EPCAM: variants seen among roughly 807,000 people sequenced by gnomAD.
EPCAM encodes the protein adenocarcinoma-associated antigen.
EPCAM carries 39 observed loss-of-function variants against 40.0 expected under a neutral mutation model. The ratio of observed to expected loss-of-function variants is 0.98; its 90% CI spans 0.76 to 1.27. EPCAM has a LOEUF of 1.27. Ranked by LOEUF, EPCAM falls within the 50% of genes most tolerant of loss-of-function variation. The pLI is 0.00. For missense variants in EPCAM, 503 were observed against 381.2 expected (o/e 1.32, Z -2.66); for synonymous variants, 168 against 132.3 (o/e 1.27, Z -1.85).
intron 7 of EPCAM, among the ~76,000 whole-genome samples, chr2:47,384,507 G>A (rs1031035942): frequency 1.3e-5 from 2 of 151,238 alleles, no homozygotes; most frequent in African/African-American, 4.9e-5. Context: ...TCTGCCTCTC[G>A]GGTTCAAGTG....
At position 47,373,577 on chromosome 2, in the gene EPCAM, A is replaced by C. The variant is rs764203702; in HGVS notation, c.184+7A>C. On this transcript the variant is annotated splice_region_variant and intron_variant, in intron 2 of 8. Coordinates refer to ENST00000263735, the MANE Select transcript of EPCAM (RefSeq NM_002354.3). ...ACTGTCATTTGCTCAAAGCGTGAGT[A>C]AAATATCCTAATTACCTGTAAGCTT... The C allele has an allele frequency of 2.5e-6, 4 of 1,586,570 alleles. No individual in the cohort carries two copies. Among genetic ancestry groups the C allele is most frequent in the Non-Finnish European group, 3.5e-6 (4 of 1,155,186 alleles).
In EPCAM at chr2:47,370,118, T is replaced by C. The variant is rs1311314121; in HGVS notation, c.76+537T>C. ...CAGGCGGCCCGGACCACACAGGGCG[T>C]GTGGGTGTTTTCCCTTTTCTAAGGA... On this transcript the variant is annotated intron_variant, in intron 1 of 8. Coordinates refer to ENST00000263735, the MANE Select transcript of EPCAM (RefSeq NM_002354.3). Among the ~76,000 whole-genome samples, 8 of 152,280 alleles carry C rather than the reference T, an allele frequency of 5.3e-5. No homozygotes were observed. In the South Asian group the frequency reaches 1.7e-3, roughly 32 times the overall value.
intron 8 of EPCAM, among the ~76,000 whole-genome samples, chr2:47,386,096 A>G (rs1056922996): frequency 6.6e-6 from 1 of 152,214 alleles, no homozygotes. Context: ...TAATCAGTGT[A>G]AAGTGTTGGT....
chr2:47,376,308 G>C (rs1186074472), intron 4 of EPCAM, among the ~76,000 whole-genome samples: 1 of 147,684 alleles, frequency 6.8e-6, no homozygotes, highest in African/African-American at 2.5e-5. Flanking sequence ...CCAGGCTGGA[G>C]TGCAATGGTG....
chr2:47,373,492 G>A lies in EPCAM; in HGVS notation c.106G>A (p.Val36Ile), dbSNP rs771315207. The A allele has an allele frequency of 1.6e-4, 265 of 1,612,644 alleles. 3 individuals are homozygous for A. In the South Asian group the frequency reaches 2.1e-3, roughly 13 times the overall value. The change falls in exon 2 of 9, where the codon GTA becomes ATA. Residue 36 changes from valine to isoleucine, a missense_variant. Transcript: ENST00000263735. ...ECVCENYKLAVNCFVNNNRQC... is the reference protein window; with the variant it reads ...ECVCENYKLAINCFVNNNRQC... ...TGTCTGTGAAAACTACAAGCTGGCC[G>A]TAAACTGCTTTGTGAATAATAATCG...
rs370461372 is a variant in EPCAM, at chr2:47,381,710, G to T, written c.858+1741G>T. Among the ~76,000 whole-genome samples the T allele has an allele frequency of 2.6e-5, 4 of 152,214 alleles. No homozygotes were observed. In the East Asian group the frequency reaches 5.8e-4, roughly 22 times the overall value. On this transcript the variant is annotated intron_variant, in intron 7 of 8. Coordinates refer to ENST00000263735, the MANE Select transcript of EPCAM (RefSeq NM_002354.3). ...TGAGGGAATGTTTGTACAACCTTGT[G>T]GTAGGGGAAATTATGTAAGGCAAGA...
At chr2:47,369,735 C>G (rs1329182905) in intron 1 of EPCAM, 154 bp downstream of exon 1, 2 of 832,100 alleles carry the variant, frequency 2.4e-6, no homozygotes, top group East Asian at 2.7e-5. Flanking sequence ...TGCTCCGGCT[C>G]AGGCCCTCCG....
intron 4 of EPCAM, among the ~76,000 whole-genome samples, chr2:47,376,360 G>A (rs557035317): frequency 2.0e-5 from 3 of 151,050 alleles, no homozygotes; most frequent in Admixed American, 6.6e-5. Flanking sequence ...GGATTCAAGC[G>A]ATTCTCCTGC....
At chr2:47,375,142 C>A in intron 3 of EPCAM, 92 bp from the exon 4 acceptor site, 1 of 956,276 alleles carries the variant, frequency 1.0e-6, no homozygotes, top group South Asian at 1.4e-5. Flanking sequence ...TCTCTTAGTC[C>A]TTATAATTCG....
Position 47,379,314 on chromosome 2 carries a change from G to C in EPCAM, c.657+260G>C, listed in dbSNP as rs150696412. The stretch of plus-strand genomic sequence containing the variant: ...TATCTACTTGGTGGTTACTTAGTTT[G>C]TGCATATATGCTCCCCTATGATATT... On this transcript the variant is annotated intron_variant, in intron 6 of 8. Transcript: ENST00000263735. 3.5e-3 allele frequency among the ~76,000 whole-genome samples: 532 copies of C among 152,046 alleles called. 2 individuals carry two copies. The highest frequency in any genetic ancestry group is 0.012 in the African/African-American group (516 of 41,456).
chr2:47,380,667 A>G (rs1209091728), intron 7 of EPCAM, among the ~76,000 whole-genome samples: 3 of 152,260 alleles, frequency 2.0e-5, no homozygotes, highest in Non-Finnish European at 4.4e-5. Flanking sequence ...TAAAAGTGAT[A>G]TGTGAATCAA....
chr2:47,376,638 A>C (rs902523135), intron 4 of EPCAM, among the ~76,000 whole-genome samples: 1 of 152,140 alleles, frequency 6.6e-6, no homozygotes, highest in African/African-American at 2.4e-5. Context: ...TGTCCTTTAT[A>C]ATACTTCACA....
intron 5 of EPCAM, 110 bp from the exon 6 acceptor site, chr2:47,378,843 G>A (rs1284440321): frequency 5.9e-6 from 4 of 680,906 alleles, no homozygotes; most frequent in African/African-American, 5.3e-5. Context: ...AGTGATGCAT[G>A]TAGATTATAG....
intron 8 of EPCAM, among the ~76,000 whole-genome samples, chr2:47,386,311 C>G (rs1384367386): frequency 1.3e-5 from 2 of 152,110 alleles, no homozygotes; most frequent in Non-Finnish European, 2.9e-5. Flanking sequence ...TAATAAAAAT[C>G]TTATTCTTAA....
At chr2:47,375,579 C>A (rs1671400199) in intron 4 of EPCAM, among the ~76,000 whole-genome samples, 1 of 152,074 alleles carries the variant, frequency 6.6e-6, no homozygotes, top group Admixed American at 6.6e-5. Context: ...ATATTTTTCC[C>A]AGAAGCACAT....
At chr2:47,377,112 G>T in intron 5 of EPCAM, 35 bp downstream of exon 5, 1 of 1,346,184 alleles carries the variant, frequency 7.4e-7, no homozygotes, top group Non-Finnish European at 1.1e-6. Context: ...TTAGCAGACA[G>T]TTGGTGAGAC....
chr2:47,385,256 T>G, intron 8 of EPCAM, 46 bp downstream of exon 8: 1 of 1,454,146 alleles, frequency 6.9e-7, no homozygotes, highest in Non-Finnish European at 9.7e-7. Flanking sequence ...TTGAATCTCT[T>G]ACTCCTAATC....
rs1348044459 is a variant in EPCAM at position 47,369,475 on chromosome 2, C to T, written c.-31C>T. The stretch of plus-strand genomic sequence containing the variant: ...GCCCTCCCGCGAGTCCCGGGCCCCT[C>T]CCGCGCCCCTCTTCTCGGCGCGCGC... On this transcript the variant is annotated 5_prime_UTR_variant, in exon 1 of 9. Coordinates refer to ENST00000263735, the MANE Select transcript of EPCAM (RefSeq NM_002354.3). 2.0e-6 allele frequency: 3 copies of T among 1,496,960 alleles called. No homozygotes were observed. Among genetic ancestry groups the T allele is most frequent in the East Asian group, 2.7e-5 (1 of 37,464 alleles). The allele number at this position is 1,496,960 out of a possible 1,614,324, so 92.7% of individuals were successfully genotyped here. A position where few individuals can be genotyped will look rare whatever the true frequency, so the allele number is the denominator to read the frequency against.
In EPCAM at chr2:47,386,811, G is replaced by A. The variant is rs1469423568; in HGVS notation, c.*198G>A. The A allele has an allele frequency of 4.2e-6, 2 of 472,372 alleles. No homozygotes were observed. Among genetic ancestry groups the A allele is most frequent in the Non-Finnish European group, 3.8e-6 (1 of 265,008 alleles). The allele number at this position is 472,372 out of a possible 1,614,324, so 29.3% of individuals were successfully genotyped here. A position where few individuals can be genotyped will look rare whatever the true frequency, so the allele number is the denominator to read the frequency against. The stretch of plus-strand genomic sequence containing the variant: ...CCAATCTTGAAATTTGACCACAAGT[G>A]TCTTATATATGCAGATCTAATGTAA... On this transcript the variant is annotated 3_prime_UTR_variant, in exon 9 of 9. Transcript: ENST00000263735.
Sources: allele counts gnomAD v4.1 joint callset (sites outside exome capture counted in the v4.1 genomes callset), GRCh38; gene constraint gnomAD v4.1.1; transcripts MANE v1.5; gene names NCBI Gene and HGNC (gene_info 2026-07-23, HGNC 2026-07-21).